The following RPH3AL variants were observed in gnomAD, a reference collection of about 807,000 sequenced individuals.
The protein encoded by RPH3AL is rabphilin 3A like (without C2 domains), also known as rab effector Noc2.
In RPH3AL, 38 loss-of-function variants were observed where a neutral mutation model predicts 43.1. That is an observed-to-expected ratio of 0.88 (90% CI 0.68 to 1.15). The LOEUF is 1.15. RPH3AL is among the 50% of genes most tolerant of loss of function. The pLI is 0.00. For missense variants in RPH3AL, 462 were observed against 423.2 expected (o/e 1.09, Z -0.81); for synonymous variants, 189 against 176.3 (o/e 1.07, Z -0.57).
chr17:303,368 G>A (rs2043379614), intron 5 of RPH3AL, among the ~76,000 whole-genome samples: 1 of 151,970 alleles, frequency 6.6e-6, no homozygotes, highest in African/African-American at 2.4e-5. Context: ...TCCAGCCGGG[G>A]CAGCACAGCG....
Position 333,600 on chromosome 17 carries a change from CATCTTCCTGTTT to C in RPH3AL, c.-37+147_-37+158del, listed in dbSNP as rs1430627510. 6 of 245,710 alleles carry C rather than the reference CATCTTCCTGTTT, an allele frequency of 2.4e-5. No homozygotes were observed. The highest frequency in any genetic ancestry group is 5.0e-5 in the Non-Finnish European group (6 of 120,610). The allele number at this position is 245,710 out of a possible 1,614,324, so 15.2% of individuals were successfully genotyped here. A position where few individuals can be genotyped will look rare whatever the true frequency, so the allele number is the denominator to read the frequency against. On this transcript the variant is annotated intron_variant, in intron 2 of 9. Coordinates refer to ENST00000331302, the MANE Select transcript of RPH3AL (RefSeq NM_006987.4). This position sits in a 1 kb window ranked among gnomAD's most constrained non-coding sequence, Gnocchi z 4.5. ...GTATTCTGAATACAATACGTTTTAC[CATCTTCCTGTTT>C]GGGAGCACATGGATTGTTTCCAATT... is the stretch of plus-strand genomic sequence containing the variant.
rs543377091 is a variant in RPH3AL, at chr17:222,306, G to C, written c.614-2570C>G. Among the ~76,000 whole-genome samples, 50 of 152,376 alleles carry C rather than the reference G, an allele frequency of 3.3e-4. 1 individual carries two copies. The South Asian group carries it at 3.3e-3, about 10-fold the overall frequency. On this transcript the variant is annotated intron_variant, in intron 7 of 9. Transcript: ENST00000331302. ...AGTAGAAGAGCCGGATTCTCATCCT[G>C]GCAGGCTGGCTCCGTGGCTCCTGCT...
At chr17:272,560 A>T (rs913976888) in intron 6 of RPH3AL, among the ~76,000 whole-genome samples, 2 of 132,328 alleles carry the variant, frequency 1.5e-5, no homozygotes, top group African/African-American at 2.8e-5. Flanking sequence ...AACAATGAGA[A>T]CACATGGACA....
In RPH3AL at chr17:224,639, G is replaced by A. The variant is rs114509444; in HGVS notation, c.614-4903C>T. The stretch of plus-strand genomic sequence containing the variant: ...TGAGGCTGGTGTGGCTCTCCTCTCT[G>A]TGGACCTGACCTGTACACTGGAGCA... On this transcript the variant is annotated intron_variant, in intron 7 of 9. Transcript: ENST00000331302. 4.6e-3 allele frequency among the ~76,000 whole-genome samples: 702 copies of A among 152,322 alleles called. 5 individuals are homozygous for A. Among genetic ancestry groups the A allele is most frequent in the African/African-American group, 0.016 (658 of 41,564 alleles).
Position 215,821 on chromosome 17 carries a change from G to A in RPH3AL, c.728-19C>T, listed in dbSNP as rs2040785721. ...CTGCCACCTGTGGGAAATCACGTGT[G>A]GGCCCCGTGGATCTCAAACCGAGAC... On this transcript the variant is annotated intron_variant, in intron 8 of 9. Coordinates refer to ENST00000331302, the MANE Select transcript of RPH3AL (RefSeq NM_006987.4). The surrounding 1 kb of genome is among the most constrained non-coding windows in gnomAD (Gnocchi z 4.1). 4.6e-6 allele frequency: 6 copies of A among 1,297,196 alleles called. No individual in the cohort carries two copies. The highest frequency in any genetic ancestry group is 5.9e-6 in the Non-Finnish European group (6 of 1,019,148). The allele number at this position is 1,297,196 out of a possible 1,614,324, so 80.4% of individuals were successfully genotyped here. A position where few individuals can be genotyped will look rare whatever the true frequency, so the allele number is the denominator to read the frequency against.
At chr17:315,671 T>C (rs1257911023) in intron 5 of RPH3AL, among the ~76,000 whole-genome samples, 3 of 152,270 alleles carry the variant, frequency 2.0e-5, no homozygotes, top group African/African-American at 4.8e-5. Flanking sequence ...TCCACTGACC[T>C]GTAGTCCCTG....
Position 346,442 on chromosome 17 carries a change from C to T in RPH3AL, c.-213+6270G>A, listed in dbSNP as rs577996925. 5.2e-4 allele frequency among the ~76,000 whole-genome samples: 70 copies of T among 135,046 alleles called. 14 individuals are homozygous for T. The highest frequency in any genetic ancestry group is 9.8e-4 in the Non-Finnish European group (58 of 59,334). The allele number at this position is 135,046 out of a possible 152,430, so 88.6% of individuals were successfully genotyped here. A position where few individuals can be genotyped will look rare whatever the true frequency, so the allele number is the denominator to read the frequency against. ...GTGGAAGGCAAGGAGGAGCAAGTCA[C>T]GTCTTACATAAACGGCAGCAGGCAA... On this transcript the variant is annotated intron_variant, in intron 1 of 9. Coordinates refer to ENST00000331302, the MANE Select transcript of RPH3AL (RefSeq NM_006987.4).
At chr17:320,501 T>C (rs966386217) in intron 4 of RPH3AL, among the ~76,000 whole-genome samples, 1 of 151,964 alleles carries the variant, frequency 6.6e-6, no homozygotes, top group Non-Finnish European at 1.5e-5. Flanking sequence ...AATAGCTGGG[T>C]GTGGTGGTGC....
At chr17:319,589 T>C in intron 4 of RPH3AL, 40 bp from the exon 5 acceptor site, 1 of 1,604,246 alleles carries the variant, frequency 6.2e-7, no homozygotes, top group Non-Finnish European at 8.5e-7. Flanking sequence ...CTGTGCTTCC[T>C]GCCTGGGCAC....
intron 6 of RPH3AL, among the ~76,000 whole-genome samples, chr17:271,335 G>A (rs1434865593): frequency 6.6e-6 from 1 of 152,148 alleles, no homozygotes; most frequent in Non-Finnish European, 1.5e-5. Flanking sequence ...AGCCTGATGG[G>A]GATGGCAATG....
intron 5 of RPH3AL, among the ~76,000 whole-genome samples, chr17:316,360 A>C (rs2044183578): frequency 3.0e-5 from 4 of 131,236 alleles, no homozygotes; most frequent in Admixed American, 1.6e-4. Context: ...TCTGTGCTCC[A>C]CCTCCATTGA....
intron 6 of RPH3AL, among the ~76,000 whole-genome samples, chr17:272,323 C>T (rs536331972): frequency 1.1e-4 from 17 of 152,138 alleles, no homozygotes; most frequent in Non-Finnish European, 2.2e-4. Context: ...TATTGCAGCA[C>T]TATTCACAAT....
At position 322,927 on chromosome 17, in the gene RPH3AL, G is replaced by A. The variant is rs372164972; in HGVS notation, c.78-1512C>T. Among the ~76,000 whole-genome samples, 5 of 152,244 alleles carry A rather than the reference G, an allele frequency of 3.3e-5. No individual in the cohort carries two copies. Among genetic ancestry groups the A allele is most frequent in the Middle Eastern group, 6.8e-3 (2 of 294 alleles). On this transcript the variant is annotated intron_variant, in intron 3 of 9. Transcript: ENST00000331302. This position sits in a 1 kb window ranked among gnomAD's most constrained non-coding sequence, Gnocchi z 4.0. ...TCTGGTCCCGTCCCTTCCCAGATGC[G>A]AGACCTCGGATGAGGCTCTCACCCT...
chr17:336,387 G>C, intron 1 of RPH3AL, among the ~76,000 whole-genome samples: 1 of 152,124 alleles, frequency 6.6e-6, no homozygotes, highest in South Asian at 2.1e-4. Context: ...TGCACCAAGC[G>C]GGCTCGAGTG....
rs2040723600 is a variant in RPH3AL, at chr17:213,692, G to A, written c.*160C>T. On this transcript the variant is annotated 3_prime_UTR_variant, in exon 10 of 10. Transcript: ENST00000331302. ...AGCTCCCCAGGAGAGAAGGGGTGCA[G>A]AAAGGCACTGAGCTGGGGAGGCAGA... is the stretch of plus-strand genomic sequence containing the variant. 4.5e-6 allele frequency: 3 copies of A among 664,700 alleles called. No individual in the cohort carries two copies. Among genetic ancestry groups the A allele is most frequent in the Admixed American group, 2.2e-5 (1 of 45,460 alleles). 41.2% of individuals were successfully genotyped at this position (664,700 alleles called of 1,614,324 possible).
chr17:278,065 C>CTG (rs1288366894), intron 6 of RPH3AL, among the ~76,000 whole-genome samples: 1 of 152,162 alleles, frequency 6.6e-6, no homozygotes, highest in Non-Finnish European at 1.5e-5. Flanking sequence ...TACAGTTTGG[C>CTG]TGTGTCCCCA....
chr17:252,266 C>A (rs919902750), intron 6 of RPH3AL, among the ~76,000 whole-genome samples: 2 of 152,156 alleles, frequency 1.3e-5, no homozygotes, highest in Non-Finnish European at 1.5e-5. Context: ...CGAGCCACCA[C>A]GCCTAGCCTC....
At chr17:263,667 G>A (rs1229424615) in intron 6 of RPH3AL, among the ~76,000 whole-genome samples, 1 of 152,228 alleles carries the variant, frequency 6.6e-6, no homozygotes, top group East Asian at 1.9e-4. Context: ...TCTGTGGCTG[G>A]CACACTGAAT....
intron 5 of RPH3AL, among the ~76,000 whole-genome samples, chr17:316,526 G>T (rs2044206158): frequency 6.9e-6 from 1 of 145,122 alleles, no homozygotes; most frequent in African/African-American, 2.6e-5. Context: ...CCAGTGACCT[G>T]TAGTCCCTGT....
Sources: allele counts gnomAD v4.1 joint callset (sites outside exome capture counted in the v4.1 genomes callset), GRCh38; gene constraint gnomAD v4.1.1; non-coding constraint Gnocchi (gnomAD v3.1); transcripts MANE v1.5; gene names NCBI Gene and HGNC (gene_info 2026-07-23, HGNC 2026-07-21).